Variants in SCRIB observed in about 807,000 individuals in gnomAD.
The protein encoded by SCRIB is scribble planar cell polarity protein.
In SCRIB, 72 loss-of-function variants were observed where a neutral mutation model predicts 170.0. The observed-to-expected ratio is 0.42, with a 90% CI of 0.35 to 0.52. The LOEUF (loss-of-function observed/expected upper bound fraction) is 0.52, where lower values mean the gene tolerates loss of function less well. Among genes scored for constraint, SCRIB ranks in the 20% least tolerant of loss-of-function variants. The pLI is 0.02. For synonymous variants in SCRIB, 1,298 were observed against 1,044.3 expected, an observed-to-expected ratio of 1.24 and a Z score of -4.68; for missense variants, 2,475 against 2,338.5, an observed-to-expected ratio of 1.06 and a Z score of -1.20.
At chr8:143,794,795 G>A (rs1186946980) in intron 27 of SCRIB, among the ~76,000 whole-genome samples, 3 of 152,138 alleles carry the variant, frequency 2.0e-5, no homozygotes, top group Non-Finnish European at 4.4e-5. Context: ...GGGATGCCTC[G>A]GCCTGTGTCA....
chr8:143,808,750 C>T lies in SCRIB; in HGVS notation c.1974G>A (p.Gln658=). The change falls in exon 15 of 37, where the codon CAG becomes CAA. Residue 658 remains glutamine, a synonymous_variant. Transcript: ENST00000356994. Reference sequence around the variant, plus strand: ...CCTCTTCCTCCTCCTCCTCCTCCTTCTGGGCCCGAGGAGCCCAGGGTGCGT... The same window carrying T: ...CCTCTTCCTCCTCCTCCTCCTCCTTTTGGGCCCGAGGAGCCCAGGGTGCGT... ...GPHAPWAPRA[Q]KEEEEEEEGS... The T allele has an allele frequency of 6.2e-7, 1 of 1,606,124 alleles. No homozygotes were observed. Among genetic ancestry groups the T allele is most frequent in the Non-Finnish European group, 8.5e-7 (1 of 1,175,964 alleles).
At chr8:143,808,502 T>C (rs1815537257) in intron 15 of SCRIB, 107 bp downstream of exon 15, 6 of 1,351,450 alleles carry the variant, frequency 4.4e-6, no homozygotes, top group Non-Finnish European at 5.9e-6. Flanking sequence ...CTTCTCCGGG[T>C]GGCCAGGGGC....
In SCRIB at chr8:143,803,137, G is replaced by A. The variant is rs549580511; in HGVS notation, c.3603+246C>T. On this transcript the variant is annotated intron_variant, in intron 24 of 36. Coordinates refer to ENST00000356994, the MANE Select transcript of SCRIB (RefSeq NM_182706.5). ...CAAACACACGCCCCTCCCACCATCC[G>A]TTCACGTGCCTCGTCCTACTTGGAC... 6.6e-5 allele frequency among the ~76,000 whole-genome samples: 10 copies of A among 152,284 alleles called. No homozygotes were observed. In the East Asian group the frequency reaches 1.2e-3, roughly 18 times the overall value.
In SCRIB at chr8:143,813,887, T is replaced by G. The variant is rs1815883629; in HGVS notation, c.287A>C (p.Glu96Ala). The change falls in exon 3 of 37, where the codon GAG becomes GCG. Residue 96 changes from glutamate to alanine, a missense_variant. Glu to Ala is a moderately radical substitution (Grantham distance 107). Coordinates refer to ENST00000356994, the MANE Select transcript of SCRIB (RefSeq NM_182706.5). Reference protein sequence around the residue: ...ELDVSRNDIPEIPESIKFCKA... With the variant: ...ELDVSRNDIPAIPESIKFCKA... ...GCAGAACTTGATGCTCTCCGGGATC[T>G]CAGGGATATCTGTCACAGAGGGTCA... The G allele has an allele frequency of 1.2e-6, 2 of 1,608,134 alleles. No homozygotes were observed. The highest frequency in any genetic ancestry group is 1.7e-6 in the Non-Finnish European group (2 of 1,176,132).
chr8:143,803,891 C>T lies in SCRIB; in HGVS notation c.3170G>A (p.Arg1057His), dbSNP rs782331304. 3.8e-6 allele frequency: 6 copies of T among 1,593,698 alleles called. No individual in the cohort carries two copies. Among genetic ancestry groups the T allele is most frequent in the South Asian group, 3.4e-5 (3 of 88,744 alleles). The change falls in exon 23 of 37, where the codon CGC becomes CAC. Residue 1057 changes from arginine to histidine, a missense_variant. By Grantham distance (29) the Arg-to-His change is conservative. Coordinates refer to ENST00000356994, the MANE Select transcript of SCRIB (RefSeq NM_182706.5). The stretch of plus-strand genomic sequence containing the variant: ...GTCTTGCCCGTTCACTGCCAGGATG[C>T]GGTCCCCAACCCGCAGGCCGCTGCG... ...AARSGLRVGD[R>H]ILAVNGQDVR...
rs780514195 is a variant in SCRIB at position 143,813,828 on chromosome 8, G to A, written c.346C>T (p.Pro116Ser). The A allele has an allele frequency of 7.5e-6, 12 of 1,609,242 alleles. No homozygotes were observed. Among genetic ancestry groups the A allele is most frequent in the South Asian group, 1.1e-5 (1 of 90,726 alleles). The change falls in exon 3 of 37, where the codon CCC becomes TCC. Residue 116 changes from proline to serine, a missense_variant. Coordinates refer to ENST00000356994, the MANE Select transcript of SCRIB (RefSeq NM_182706.5). The part of the protein sequence containing the change: ...ALEIADFSGN[P>S]LSRLPDGFTQ... Reference sequence around the variant, plus strand: ...CAGGCTGCCACCCACCTGGAGAGGGGGTTCCCGCTGAAGTCCGCGATCTCC... The same window carrying A: ...CAGGCTGCCACCCACCTGGAGAGGGAGTTCCCGCTGAAGTCCGCGATCTCC...
At chr8:143,795,868 G>A (rs1814922659) in intron 24 of SCRIB, among the ~76,000 whole-genome samples, 1 of 152,190 alleles carries the variant, frequency 6.6e-6, no homozygotes, top group African/African-American at 2.4e-5. Context: ...CCACCAAGAT[G>A]GGGGAAGGAG....
At chr8:143,796,117 G>A (rs183903768) in intron 24 of SCRIB, among the ~76,000 whole-genome samples, 1 of 152,318 alleles carries the variant, frequency 6.6e-6, no homozygotes, top group East Asian at 1.9e-4. Flanking sequence ...CAGGGCAGAG[G>A]GGGGCGAGGA....
rs565560160 is a variant in SCRIB, at chr8:143,807,336, C to T, written c.2178+216G>A. On this transcript the variant is annotated intron_variant, in intron 16 of 36. Coordinates refer to ENST00000356994, the MANE Select transcript of SCRIB (RefSeq NM_182706.5). ...CAGGTAAGGCTCAGAGCACCACAGG[C>T]GGCTGATGGGAGCTGGACCAGCCTC... is the stretch of plus-strand genomic sequence containing the variant. 1.1e-4 allele frequency among the ~76,000 whole-genome samples: 16 copies of T among 152,322 alleles called. No individual in the cohort carries two copies. The East Asian group carries it at 1.6e-3, about 15-fold the overall frequency.
rs779447853 is a variant in SCRIB at position 143,815,367 on chromosome 8, G to A, written c.6C>T (p.Leu2=). Residue 2 remains leucine, a synonymous_variant, in exon 1 of 37, where the codon CTC becomes CTT. Transcript: ENST00000356994. M[L]KCIPLWRCNR... is the part of the protein sequence containing the mutation. ...TGCAGCGCCACAGCGGGATGCACTTGAGCATGGTGCGGGTGGGCGGCGCGG... is the reference window on the plus strand; with the variant it reads ...TGCAGCGCCACAGCGGGATGCACTTAAGCATGGTGCGGGTGGGCGGCGCGG... 3.9e-5 allele frequency: 57 copies of A among 1,465,948 alleles called. 1 individual carries two copies. The South Asian group carries it at 7.7e-4, about 20-fold the overall frequency. 90.8% of individuals were successfully genotyped at this position (1,465,948 alleles called of 1,614,324 possible).
rs782787420 is a variant in SCRIB, at chr8:143,803,930, C to T, written c.3131G>A (p.Arg1044Gln). ...CAGGCCGCTGCGAGCGGCCAGGCCCCGCGGGAGCACCTGTCAGGGAGGAGG... is the reference window on the plus strand; with the variant it reads ...CAGGCCGCTGCGAGCGGCCAGGCCCTGCGGGAGCACCTGTCAGGGAGGAGG... ...PGVFISKVLP[R>Q]GLAARSGLRV... Residue 1044 changes from arginine (R) to glutamine (Q), a missense_variant, in exon 23 of 37, where the codon CGG becomes CAG. By Grantham distance (43) the Arg-to-Gln change is conservative. Around this residue, in one of 3 missense-constraint regions of SCRIB, gnomAD observed 1,966 missense variants for 1,742.9 expected, o/e 1.13. Coordinates refer to ENST00000356994, the MANE Select transcript of SCRIB (RefSeq NM_182706.5). 69 of 1,580,956 alleles carry T rather than the reference C, an allele frequency of 4.4e-5. No individual in the cohort carries two copies. In the East Asian group the frequency reaches 7.5e-4, roughly 17 times the overall value.
intron 35 of SCRIB, 86 bp downstream of exon 35, chr8:143,791,580 G>T: frequency 1.3e-6 from 2 of 1,508,072 alleles, no homozygotes; most frequent in Non-Finnish European, 1.8e-6. Context: ...CCACGGCAGA[G>T]CGTGGGGAGG....
rs185467409 is a variant in SCRIB, at chr8:143,798,390, C to T, written c.3604-2860G>A. Among the ~76,000 whole-genome samples, 14 of 152,350 alleles carry T rather than the reference C, an allele frequency of 9.2e-5. No individual in the cohort carries two copies. The East Asian group carries it at 1.7e-3, about 19-fold the overall frequency. On this transcript the variant is annotated intron_variant, in intron 24 of 36. Coordinates refer to ENST00000356994, the MANE Select transcript of SCRIB (RefSeq NM_182706.5). ...CTGAGAACACAGGATGCGGACTGTA[C>T]GTCCCAGGCAGGGTGAACCCTCAGG...
intron 27 of SCRIB, 133 bp downstream of exon 27, chr8:143,794,905 T>G: frequency 2.6e-6 from 2 of 769,734 alleles, no homozygotes; most frequent in South Asian, 1.7e-5. Context: ...AGCCTGCAGG[T>G]CAGACGTGGC....
chr8:143,815,442 T>C lies in SCRIB; in HGVS notation c.-70A>G, dbSNP rs1234072175. 3.5e-6 allele frequency: 4 copies of C among 1,146,506 alleles called. No homozygotes were observed. Among genetic ancestry groups the C allele is most frequent in the South Asian group, 8.6e-5 (2 of 23,192 alleles). The allele number at this position is 1,146,506 out of a possible 1,614,324, so 71.0% of individuals were successfully genotyped here. The stretch of plus-strand genomic sequence containing the variant: ...CTCGGGGCCGGGGGGCGGGGCTCAG[T>C]CCGCATGGGCGCCGCGCATGGGGAG... On this transcript the variant is annotated 5_prime_UTR_variant, in exon 1 of 37. Transcript: ENST00000356994.
In SCRIB at chr8:143,792,302, G is replaced by A. The variant is rs1814724827; in HGVS notation, c.4432C>T (p.Pro1478Ser). ...GACAGGGCACGCTCGGGTGCCGGTG[G>A]CTCCGGACTCTGCACGCGCAGCCGC... The part of the protein sequence containing the change: ...QERLRVQSPE[P>S]PAPERALSPA... The change falls in exon 32 of 37, where the codon CCA becomes TCA. Residue 1478 changes from proline (P) to serine (S), a missense_variant. Pro to Ser is a moderately conservative substitution (Grantham distance 74). Around this residue, in one of 3 missense-constraint regions of SCRIB, gnomAD observed 1,966 missense variants for 1,742.9 expected, o/e 1.13. Transcript: ENST00000356994. 1.3e-6 allele frequency: 2 copies of A among 1,559,170 alleles called. No individual in the cohort carries two copies. The highest frequency in any genetic ancestry group is 1.8e-5 in the Admixed American group (1 of 54,060).
chr8:143,810,323 G>A (rs1445820136), intron 13 of SCRIB, among the ~76,000 whole-genome samples, 156 bp downstream of exon 13: 1 of 152,044 alleles, frequency 6.6e-6, no homozygotes, highest in Non-Finnish European at 1.5e-5. Context: ...CACCCAGCTG[G>A]CCCTGCAGCT....
chr8:143,814,910 C>T, intron 1 of SCRIB: 1 of 405,990 alleles, frequency 2.5e-6, no homozygotes, highest in South Asian at 4.3e-5. Flanking sequence ...CATCAGCCAC[C>T]TGAATCCAAG....
rs749092277 is a variant in SCRIB, at chr8:143,810,495, G to T, written c.1514C>A (p.Pro505His). ...CATGCCCACCTCCTCTGCAGGCAAGGGCGACCCAGAGTCTGGCTGGCAAGG... is the reference window on the plus strand; with the variant it reads ...CATGCCCACCTCCTCTGCAGGCAAGTGCGACCCAGAGTCTGGCTGGCAAGG... ...ACPCQPDSGS[P>H]LPAEEEKRLS... Residue 505 changes from proline to histidine, a missense_variant, in exon 13 of 37, where the codon CCC (proline) becomes CAC (histidine). Physicochemically the swap from Pro to His is moderately conservative, Grantham distance 77 (BLOSUM62 -2). This residue lies in a region of SCRIB where 1,966 missense variants were observed against 1,742.9 expected (regional missense o/e 1.13). Transcript: ENST00000356994. 1.2e-6 allele frequency: 2 copies of T among 1,609,986 alleles called. No homozygotes were observed. The highest frequency in any genetic ancestry group is 8.5e-7 in the Non-Finnish European group (1 of 1,179,876).
Sources: gnomAD v4.1 joint callset for allele counts (sites outside exome capture counted in the v4.1 genomes callset) on GRCh38, gnomAD v4.1.1 for gene constraint, gnomAD v4.1.1 regional missense constraint, MANE v1.5 for transcripts, NCBI Gene and HGNC (gene_info 2026-07-23, HGNC 2026-07-21) for gene names.